The following BAZ2B variants were observed in gnomAD, a reference collection of about 807,000 sequenced individuals.
BAZ2B encodes the protein bromodomain adjacent to zinc finger domain protein 2B.
A neutral mutation model predicts 246.0 loss-of-function variants in BAZ2B; 91 were observed. That is an observed-to-expected ratio of 0.37 (90% CI 0.31 to 0.44). The LOEUF (loss-of-function observed/expected upper bound fraction) is 0.44. Among genes scored for constraint, BAZ2B ranks in the 20% least tolerant of loss-of-function variants. The pLI, the probability that BAZ2B is intolerant of heterozygous loss-of-function variation, is 1.00. For synonymous variants in BAZ2B, 855 were observed against 860.0 expected (o/e 0.99, Z 0.10); for missense variants, 2,332 against 2,533.7 (o/e 0.92, Z 1.71).
chr2:159,637,539 A>C, the BAZ2B span, among the ~76,000 whole-genome samples: 1 of 152,194 alleles, frequency 6.6e-6, no homozygotes, highest in African/African-American at 2.4e-5. Context: ...ATAGTAAAAT[A>C]AAACATCAGG....
chr2:159,617,449 C>T (rs1347476165), upstream of BAZ2B, among the ~76,000 whole-genome samples: 1 of 151,628 alleles, frequency 6.6e-6, no homozygotes, highest in Non-Finnish European at 1.5e-5. Flanking sequence ...CTTGATAACA[C>T]TTTATTAGCC....
intron 8 of BAZ2B, among the ~76,000 whole-genome samples, chr2:159,436,855 G>T (rs10187621): frequency 0.49 from 73,827 of 152,060 alleles, 18,737 homozygotes; most frequent in Middle Eastern, 0.6. Context: ...GGATTTAAGT[G>T]ACATTTTCTT....
At chr2:159,344,534 CAA>C (rs35387556) in intron 31 of BAZ2B, among the ~76,000 whole-genome samples, 12 of 137,966 alleles carry the variant, frequency 8.7e-5, no homozygotes, top group East Asian at 2.1e-4. Context: ...AACTCCGTCT[CAA>C]AAAAAAAAAA....
At chr2:159,697,397 A>G in the BAZ2B span, among the ~76,000 whole-genome samples, 1 of 152,236 alleles carries the variant, frequency 6.6e-6, no homozygotes, top group Non-Finnish European at 1.5e-5. Context: ...ATAACAAACA[A>G]TTCATAAATA....
At chr2:159,424,681 A>G (rs1191719724) in intron 13 of BAZ2B, among the ~76,000 whole-genome samples, 2 of 152,230 alleles carry the variant, frequency 1.3e-5, no homozygotes, top group African/African-American at 4.8e-5. Context: ...CTTAGTATCC[A>G]GGACCTCCCT....
intron 1 of BAZ2B, among the ~76,000 whole-genome samples, chr2:159,578,194 C>G (rs1559821006): frequency 6.6e-6 from 1 of 152,060 alleles, no homozygotes; most frequent in African/African-American, 2.4e-5. Flanking sequence ...ACAACAGAGT[C>G]AAGAAACAGA....
chr2:159,709,481 A>T, the BAZ2B span, among the ~76,000 whole-genome samples: 1 of 152,230 alleles, frequency 6.6e-6, no homozygotes, highest in Non-Finnish European at 1.5e-5. Context: ...AGAAGTCATA[A>T]ATGTTCTAGA....
At chr2:159,484,435 T>C (rs1453998004) in intron 2 of BAZ2B, among the ~76,000 whole-genome samples, 1 of 152,202 alleles carries the variant, frequency 6.6e-6, no homozygotes, top group African/African-American at 2.4e-5. Flanking sequence ...TCACATGTAA[T>C]TAACACACAT....
chr2:159,529,995 T>G (rs561946521), intron 2 of BAZ2B, among the ~76,000 whole-genome samples: 2 of 152,268 alleles, frequency 1.3e-5, no homozygotes, highest in African/African-American at 4.8e-5. Flanking sequence ...AAAGTGAGGA[T>G]TTTGGAAGCT....
intron 3 of BAZ2B, among the ~76,000 whole-genome samples, chr2:159,473,144 T>C (rs2078037675): frequency 6.6e-6 from 1 of 152,024 alleles, no homozygotes; most frequent in Admixed American, 6.6e-5. Flanking sequence ...AGACTATTAG[T>C]TACTGGCTCC....
chr2:159,668,740 A>C, the BAZ2B span, among the ~76,000 whole-genome samples: 1 of 152,022 alleles, frequency 6.6e-6, no homozygotes. Flanking sequence ...TTAAAATCTC[A>C]GGTCATTAAT....
intron 3 of BAZ2B, among the ~76,000 whole-genome samples, chr2:159,470,501 C>T (rs1459317005): frequency 6.6e-6 from 1 of 152,202 alleles, no homozygotes; most frequent in Non-Finnish European, 1.5e-5. Flanking sequence ...GGAGGGTTTG[C>T]ATGTGCAGCT....
chr2:159,688,154 C>T, the BAZ2B span, among the ~76,000 whole-genome samples: 1 of 152,152 alleles, frequency 6.6e-6, no homozygotes, highest in Non-Finnish European at 1.5e-5. Context: ...ATCCTCCTGC[C>T]TCAGCCTTCC....
chr2:159,400,636 C>T lies in BAZ2B; in HGVS notation c.2861G>A (p.Arg954Lys). 6.3e-7 allele frequency: 1 copy of T among 1,575,940 alleles called. No homozygotes were observed. The highest frequency in any genetic ancestry group is 1.1e-5 in the South Asian group (1 of 87,630). ...CTGAGCTCGAAGTTCTTTTTCCATT[C>T]TGATTTGCTGTATTCTCTTAATTTT... ...QEKIKRIQQI[R>K]MEKELRAQQI... Residue 954 changes from arginine (R) to lysine (K), a missense_variant, in exon 17 of 37, where the codon AGA becomes AAA. Arg to Lys is a conservative substitution (Grantham distance 26). Transcript: ENST00000392783.
intron 1 of BAZ2B, among the ~76,000 whole-genome samples, chr2:159,593,550 G>A (rs953093469): frequency 1.3e-5 from 2 of 152,092 alleles, no homozygotes; most frequent in African/African-American, 2.4e-5. Context: ...GTTGGCCAAC[G>A]TCCAAAAATA....
chr2:159,384,687 T>C (rs572626718), intron 23 of BAZ2B, among the ~76,000 whole-genome samples: 1 of 151,816 alleles, frequency 6.6e-6, no homozygotes, highest in South Asian at 2.1e-4. Context: ...ATTAATACAC[T>C]GATAAATAAA....
chr2:159,499,521 TC>T (rs1231096565), intron 2 of BAZ2B, among the ~76,000 whole-genome samples: 3 of 152,190 alleles, frequency 2.0e-5, no homozygotes, highest in Non-Finnish European at 4.4e-5. Flanking sequence ...TGATTTATAT[TC>T]CTATGGGTAT....
At chr2:159,390,340 G>A (rs941851883) in intron 20 of BAZ2B, among the ~76,000 whole-genome samples, 4 of 151,616 alleles carry the variant, frequency 2.6e-5, no homozygotes, top group African/African-American at 4.8e-5. Context: ...ATTTTTTTCT[G>A]TGTAGGTTTA....
chr2:159,504,810 A>T (rs2082168155), intron 2 of BAZ2B, among the ~76,000 whole-genome samples: 1 of 152,202 alleles, frequency 6.6e-6, no homozygotes, highest in African/African-American at 2.4e-5. Flanking sequence ...TAAATATGCA[A>T]TACTATATAC....
Sources: gnomAD v4.1 joint callset for allele counts (sites outside exome capture counted in the v4.1 genomes callset) on GRCh38, gnomAD v4.1.1 for gene constraint, MANE v1.5 for transcripts, NCBI Gene and HGNC (gene_info 2026-07-23, HGNC 2026-07-21) for gene names.